ZNRF1: variants seen among roughly 807,000 people sequenced by gnomAD.
ZNRF1 encodes zinc and ring finger 1.
ZNRF1 carries 3 observed loss-of-function variants against 18.4 expected under a neutral mutation model. The observed-to-expected ratio is 0.16, with a 90% confidence interval of 0.07 to 0.42. ZNRF1 has a LOEUF of 0.42. Ranked by LOEUF, ZNRF1 falls within the 10% of genes least tolerant of loss-of-function variation. The probability of loss-of-function intolerance (pLI) is 0.99; values close to 1 mark genes in which losing one functional copy is unlikely to be tolerated. For synonymous variants in ZNRF1, 157 were observed against 144.2 expected, an observed-to-expected ratio of 1.09 and a Z score of -0.64; for missense variants, 310 against 329.8, an observed-to-expected ratio of 0.94 and a Z score of 0.47.
At chr16:75,004,169 T>C (rs894091797) in intron 1 of ZNRF1, among the ~76,000 whole-genome samples, 2 of 152,134 alleles carry the variant, frequency 1.3e-5, no homozygotes, top group Non-Finnish European at 2.9e-5. Flanking sequence ...TTTACAGCTG[T>C]GCTAGCTGTA....
intron 1 of ZNRF1, among the ~76,000 whole-genome samples, chr16:75,002,561 C>T (rs2034865163): frequency 6.6e-6 from 1 of 152,150 alleles, no homozygotes; most frequent in Non-Finnish European, 1.5e-5. Context: ...GTATACAAGG[C>T]CTTCTCAGAG....
chr16:75,107,685 C>G (rs1363422074), intron 4 of ZNRF1, 48 bp from the exon 5 acceptor site: 3 of 456,058 alleles, frequency 6.6e-6, no homozygotes, highest in African/African-American at 6.0e-5. Flanking sequence ...GATGAGCAGA[C>G]AGCCCTCGGC....
At chr16:75,066,539 G>A (rs375052941) in intron 1 of ZNRF1, among the ~76,000 whole-genome samples, 1 of 152,146 alleles carries the variant, frequency 6.6e-6, no homozygotes, top group South Asian at 2.1e-4. Context: ...GTTTTGCTCG[G>A]TCACCTAGGC....
chr16:75,008,386 C>T (rs1020638886), intron 1 of ZNRF1, among the ~76,000 whole-genome samples: 16 of 152,130 alleles, frequency 1.1e-4, no homozygotes, highest in African/African-American at 2.7e-4. Flanking sequence ...GTGTCAGTGT[C>T]GCCTTTCCTT....
intron 1 of ZNRF1, among the ~76,000 whole-genome samples, chr16:75,010,273 A>G (rs2034976926): frequency 6.6e-6 from 1 of 152,128 alleles, no homozygotes; most frequent in Non-Finnish European, 1.5e-5. Flanking sequence ...GTGAGCCACC[A>G]CACCCGGCCT....
At position 75,106,589 on chromosome 16, in the gene ZNRF1, G is replaced by T. The variant is rs1202420890; in HGVS notation, c.*32+18G>T. ...TCTCAAAGGTGAGCCCGCGTTTGGG[G>T]GTGCTCCGGGCTCAAGGCTTGGGGT... On this transcript the variant is annotated intron_variant, in intron 4 of 4. Coordinates refer to ENST00000335325, the MANE Select transcript of ZNRF1 (RefSeq NM_032268.5). The T allele has an allele frequency of 6.2e-7, 1 of 1,609,766 alleles. No homozygotes were observed. Among genetic ancestry groups the T allele is most frequent in the East Asian group, 2.2e-5 (1 of 44,838 alleles).
At chr16:75,104,715 C>A in intron 2 of ZNRF1, 69 bp from the exon 3 acceptor site, 2 of 1,409,272 alleles carry the variant, frequency 1.4e-6, no homozygotes, top group Non-Finnish European at 2.0e-6. Context: ...TTCCTAGGCC[C>A]TTGCTTGCCC....
At chr16:75,098,452 G>A (rs1329582516) in intron 2 of ZNRF1, among the ~76,000 whole-genome samples, 1 of 152,214 alleles carries the variant, frequency 6.6e-6, no homozygotes, top group Non-Finnish European at 1.5e-5. Flanking sequence ...TGGGCAGTTG[G>A]ATGGGCCGCT....
chr16:75,032,272 GC>G (rs1415600984), intron 1 of ZNRF1, among the ~76,000 whole-genome samples: 5 of 147,678 alleles, frequency 3.4e-5, no homozygotes, highest in Non-Finnish European at 7.6e-5. Flanking sequence ...ATCCTGCCTG[GC>G]TAAGTTTTGT....
intron 1 of ZNRF1, among the ~76,000 whole-genome samples, chr16:75,006,524 T>C (rs1374667680): frequency 6.6e-6 from 1 of 152,066 alleles, no homozygotes; most frequent in Admixed American, 6.5e-5. Context: ...CAACGTCCAC[T>C]TCCCGGGTTC....
At chr16:75,030,084 C>T (rs1250837297) in intron 1 of ZNRF1, among the ~76,000 whole-genome samples, 1 of 147,560 alleles carries the variant, frequency 6.8e-6, no homozygotes, top group Admixed American at 6.8e-5. Flanking sequence ...AAAAAAAAAC[C>T]TGTTATTGAA....
At chr16:75,095,192 A>G (rs2036183097) in intron 2 of ZNRF1, 1 of 156,000 alleles carries the variant, frequency 6.4e-6, no homozygotes, top group South Asian at 2.0e-4. Flanking sequence ...GCTCAGCTCC[A>G]TGCATTTGTT....
chr16:75,104,137 G>A (rs888319128), intron 2 of ZNRF1: 1 of 152,270 alleles, frequency 6.6e-6, no homozygotes, highest in Non-Finnish European at 1.5e-5. Context: ...ACAATAGGTG[G>A]TTTCTTTTAC....
Position 75,109,696 on chromosome 16 carries a change from G to A in ZNRF1, c.*1996G>A, listed in dbSNP as rs1382729012. The A allele has an allele frequency of 6.6e-6, 1 of 152,376 alleles. No homozygotes were observed. The highest frequency in any genetic ancestry group is 1.5e-5 in the Non-Finnish European group (1 of 68,088). 9.4% of individuals were successfully genotyped at this position (152,376 alleles called of 1,614,324 possible). ...CTCTCCTACTTGGCAGAATGATCTT[G>A]GGGAAACGACTTCATCTGAACTTCA... On this transcript the variant is annotated 3_prime_UTR_variant, in exon 5 of 5. Transcript: ENST00000335325.
chr16:75,093,819 G>C (rs147911870), intron 2 of ZNRF1, 152 bp downstream of exon 2: 2 of 615,430 alleles, frequency 3.2e-6, no homozygotes, highest in Admixed American at 2.7e-5. Context: ...GAAGTGGACT[G>C]TTCTGGGAGC....
At chr16:75,065,592 C>T (rs1285237826) in intron 1 of ZNRF1, among the ~76,000 whole-genome samples, 1 of 152,064 alleles carries the variant, frequency 6.6e-6, no homozygotes, top group Admixed American at 6.6e-5. Flanking sequence ...AGGTCTTATC[C>T]CTTCTTCTGC....
intron 1 of ZNRF1, among the ~76,000 whole-genome samples, chr16:75,053,829 A>ACT (rs1342867079): frequency 6.6e-6 from 1 of 152,204 alleles, no homozygotes; most frequent in African/African-American, 2.4e-5. Context: ...GACTTTAGAA[A>ACT]AGAGCCTTTA....
chr16:75,011,917 T>C (rs1047020047), intron 1 of ZNRF1, among the ~76,000 whole-genome samples: 1 of 152,250 alleles, frequency 6.6e-6, no homozygotes, highest in Non-Finnish European at 1.5e-5. Context: ...TGAGCTGTTC[T>C]GTTTTGCTGT....
At chr16:75,048,371 C>T (rs1010886406) in intron 1 of ZNRF1, among the ~76,000 whole-genome samples, 13 of 152,124 alleles carry the variant, frequency 8.5e-5, no homozygotes, top group African/African-American at 2.7e-4. Flanking sequence ...TTCTGAAGTA[C>T]TGGAGGTTAG....
Sources: allele counts gnomAD v4.1 joint callset (sites outside exome capture counted in the v4.1 genomes callset), GRCh38; gene constraint gnomAD v4.1.1; transcripts MANE v1.5; gene names NCBI Gene and HGNC (gene_info 2026-07-23, HGNC 2026-07-21).